CSNK2A2IP: variants seen among roughly 807,000 people sequenced by gnomAD.
The protein encoded by CSNK2A2IP is casein kinase II subunit alpha'-interacting protein.
the CSNK2A2IP span, among the ~76,000 whole-genome samples, chr3:88,380,566 A>T: frequency 6.6e-5 from 10 of 152,002 alleles, no homozygotes; most frequent in African/African-American, 2.4e-4. Context: ...AATAACACTA[A>T]AACCTATTCA....
At chr3:88,463,049 G>A in the CSNK2A2IP span, among the ~76,000 whole-genome samples, 3 of 152,152 alleles carry the variant, frequency 2.0e-5, no homozygotes, top group Non-Finnish European at 2.9e-5. Flanking sequence ...AAGTCACCTT[G>A]ACATAAAGAG....
the CSNK2A2IP span, among the ~76,000 whole-genome samples, chr3:88,415,745 C>G: frequency 6.6e-6 from 1 of 151,944 alleles, no homozygotes; most frequent in African/African-American, 2.4e-5. Flanking sequence ...ACTTCAAGAA[C>G]CACAGTGGTG....
At chr3:88,370,952 A>G in the CSNK2A2IP span, among the ~76,000 whole-genome samples, 2 of 151,754 alleles carry the variant, frequency 1.3e-5, no homozygotes, top group African/African-American at 4.8e-5. Flanking sequence ...GAACATAATG[A>G]GAAAGTAGCC....
the CSNK2A2IP span, among the ~76,000 whole-genome samples, chr3:88,359,504 T>G: frequency 6.6e-6 from 1 of 152,148 alleles, no homozygotes; most frequent in Non-Finnish European, 1.5e-5. Context: ...AGGCATTTAT[T>G]GCTATAAACT....
chr3:88,390,530 G>A, the CSNK2A2IP span, among the ~76,000 whole-genome samples: 1 of 152,176 alleles, frequency 6.6e-6, no homozygotes, highest in Non-Finnish European at 1.5e-5. Flanking sequence ...TCTGAGGGAT[G>A]TACCAGGCAC....
the CSNK2A2IP span, among the ~76,000 whole-genome samples, chr3:88,415,369 CAGA>C: frequency 2.6e-5 from 4 of 151,984 alleles, no homozygotes; most frequent in Admixed American, 1.3e-4. Context: ...TCTTCCTATT[CAGA>C]AGAAGCAATC....
At chr3:88,357,323 A>ATATCCAATTTTCTTAGCAGTGTATG in the CSNK2A2IP span, among the ~76,000 whole-genome samples, 8 of 151,970 alleles carry the variant, frequency 5.3e-5, no homozygotes, top group African/African-American at 1.9e-4. Flanking sequence ...TTGCATATGG[A>ATATCCAATTTTCTTAGCAGTGTATG]TATCCAATTT....
At chr3:88,351,683 T>C in the CSNK2A2IP span, among the ~76,000 whole-genome samples, 1 of 152,116 alleles carries the variant, frequency 6.6e-6, no homozygotes, top group Admixed American at 6.6e-5. Context: ...ATCTTTTATG[T>C]CCAACACAAA....
the CSNK2A2IP span, among the ~76,000 whole-genome samples, chr3:88,419,257 T>G: frequency 6.6e-6 from 1 of 152,306 alleles, no homozygotes; most frequent in Admixed American, 6.5e-5. Context: ...AAAATTGTCT[T>G]CTACAAAACT....
At chr3:88,463,664 G>A in the CSNK2A2IP span, among the ~76,000 whole-genome samples, 1 of 152,292 alleles carries the variant, frequency 6.6e-6, no homozygotes, top group Non-Finnish European at 1.5e-5. Flanking sequence ...AAGTGCTGGA[G>A]AGGATGTGGA....
At chr3:88,464,841 T>C in the CSNK2A2IP span, among the ~76,000 whole-genome samples, 1 of 152,202 alleles carries the variant, frequency 6.6e-6, no homozygotes, top group Admixed American at 6.6e-5. Flanking sequence ...TTAGAATATA[T>C]ATACGTTTGT....
chr3:88,371,043 A>T, the CSNK2A2IP span, among the ~76,000 whole-genome samples: 1 of 151,776 alleles, frequency 6.6e-6, no homozygotes, highest in Non-Finnish European at 1.5e-5. Context: ...GAAATGAGAA[A>T]ATAAATTTAT....
At chr3:88,342,094 C>A in the CSNK2A2IP span, among the ~76,000 whole-genome samples, 2 of 151,708 alleles carry the variant, frequency 1.3e-5, no homozygotes, top group Admixed American at 6.6e-5. Context: ...TTAGTGTTAG[C>A]AAGTAGTCTG....
At chr3:88,356,732 C>CT in the CSNK2A2IP span, among the ~76,000 whole-genome samples, 11 of 151,824 alleles carry the variant, frequency 7.2e-5, no homozygotes, top group Non-Finnish European at 1.5e-4. Flanking sequence ...GAGTGTTCCC[C>CT]TTTTTTTTCC....
At chr3:88,346,334 A>T in the CSNK2A2IP span, among the ~76,000 whole-genome samples, 1 of 152,040 alleles carries the variant, frequency 6.6e-6, no homozygotes, top group Admixed American at 6.6e-5. Flanking sequence ...GCTACACTAA[A>T]CAGATTTTCA....
At chr3:88,409,043 C>T in the CSNK2A2IP span, among the ~76,000 whole-genome samples, 1 of 152,026 alleles carries the variant, frequency 6.6e-6, no homozygotes, top group Non-Finnish European at 1.5e-5. Flanking sequence ...GACTCTGACC[C>T]ACAGCATTGC....
the CSNK2A2IP span, among the ~76,000 whole-genome samples, chr3:88,452,752 G>C: frequency 2.0e-5 from 3 of 152,034 alleles, no homozygotes; most frequent in African/African-American, 7.2e-5. Context: ...GCCCTCTCAG[G>C]ATTACTTTTT....
At chr3:88,401,230 C>T in the CSNK2A2IP span, among the ~76,000 whole-genome samples, 1 of 152,024 alleles carries the variant, frequency 6.6e-6, no homozygotes, top group African/African-American at 2.4e-5. Flanking sequence ...ATAATATAGA[C>T]TGCTTACTTA....
the CSNK2A2IP span, among the ~76,000 whole-genome samples, chr3:88,423,634 G>A: frequency 6.6e-6 from 1 of 152,106 alleles, no homozygotes; most frequent in Non-Finnish European, 1.5e-5. Context: ...TCCATGCCTA[G>A]GGAGCAGAAC....
Sources: allele counts gnomAD v4.1 joint callset (sites outside exome capture counted in the v4.1 genomes callset), GRCh38; gene constraint gnomAD v4.1.1; transcripts MANE v1.5; gene names NCBI Gene and HGNC (gene_info 2026-07-23, HGNC 2026-07-21).